The following CTNNA3 variants were observed in gnomAD, a reference collection of about 807,000 sequenced individuals.
CTNNA3 encodes the protein catenin alpha 3.
Under a neutral mutation model 95.7 loss-of-function variants are expected in CTNNA3, and 76 were observed. The ratio of observed to expected loss-of-function variants is 0.79; its 90% CI spans 0.66 to 0.96. The LOEUF is 0.96. Ranked by LOEUF, CTNNA3 falls within the 40% of genes least tolerant of loss-of-function variation. The pLI, the probability that CTNNA3 is intolerant of heterozygous loss-of-function variation, is 0.00. For missense variants in CTNNA3, 1,191 were observed against 1,089.8 expected, an observed-to-expected ratio of 1.09 and a Z score of -1.31; for synonymous variants, 431 against 374.4, an observed-to-expected ratio of 1.15 and a Z score of -1.74.
intron 3 of CTNNA3, among the ~76,000 whole-genome samples, chr10:67,588,391 G>A (rs933252857): frequency 2.6e-5 from 4 of 151,986 alleles, no homozygotes; most frequent in Non-Finnish European, 5.9e-5. Flanking sequence ...CTCTGGTATT[G>A]CTTGGGTGGG....
At chr10:66,116,731 C>G (rs1299859879) in intron 13 of CTNNA3, among the ~76,000 whole-genome samples, 1 of 152,062 alleles carries the variant, frequency 6.6e-6, no homozygotes, top group Non-Finnish European at 1.5e-5. Flanking sequence ...ATTCCACAGG[C>G]TGTGTAAGAG....
At chr10:66,399,788 AT>A (rs1328419087) in intron 11 of CTNNA3, among the ~76,000 whole-genome samples, 2 of 152,114 alleles carry the variant, frequency 1.3e-5, no homozygotes, top group African/African-American at 4.8e-5. Flanking sequence ...TATATGACAT[AT>A]GTTCAGCTCT....
At chr10:66,837,805 C>T (rs989085867) in intron 7 of CTNNA3, 8 of 151,966 alleles carry the variant, frequency 5.3e-5, no homozygotes, top group Admixed American at 1.3e-4. Context: ...ATATAGTAAC[C>T]GAATTCCAAG....
chr10:67,555,782 C>T (rs2133241082), intron 3 of CTNNA3, among the ~76,000 whole-genome samples: 1 of 152,252 alleles, frequency 6.6e-6, no homozygotes, highest in South Asian at 2.1e-4. Flanking sequence ...CCAGAACTTC[C>T]AACACTATGT....
chr10:67,729,474 A>AT (rs1450678074), intron 1 of CTNNA3, among the ~76,000 whole-genome samples: 1 of 152,282 alleles, frequency 6.6e-6, no homozygotes, highest in South Asian at 2.1e-4. Flanking sequence ...TGTTAATCTA[A>AT]TTTTTAAAAC....
At chr10:66,477,028 A>G (rs1839351392) in intron 11 of CTNNA3, among the ~76,000 whole-genome samples, 1 of 152,098 alleles carries the variant, frequency 6.6e-6, no homozygotes. Flanking sequence ...ATATAGTCTG[A>G]TATTTTATTA....
At chr10:67,727,776 T>A (rs1486804597) in intron 1 of CTNNA3, among the ~76,000 whole-genome samples, 1 of 127,330 alleles carries the variant, frequency 7.9e-6, no homozygotes. Context: ...ATATAATATA[T>A]AATATGTAAA....
intron 15 of CTNNA3, among the ~76,000 whole-genome samples, chr10:66,066,337 G>A (rs1473205148): frequency 2.0e-5 from 3 of 152,012 alleles, no homozygotes; most frequent in African/African-American, 4.8e-5. Flanking sequence ...ACCCATGAAA[G>A]TTTAGTTTTG....
intron 11 of CTNNA3, among the ~76,000 whole-genome samples, chr10:66,425,106 TTA>T (rs2093228085): frequency 1.7e-5 from 1 of 59,142 alleles, no homozygotes; most frequent in African/African-American, 9.6e-5. Context: ...AAATATATTG[TTA>T]TTTAAAAAAA....
intron 5 of CTNNA3, among the ~76,000 whole-genome samples, chr10:67,470,049 A>T (rs1847757951): frequency 6.6e-6 from 1 of 152,112 alleles, no homozygotes; most frequent in Non-Finnish European, 1.5e-5. Context: ...ATTCTTTCTA[A>T]CTAACTTTTT....
At chr10:66,407,972 G>T (rs2093071364) in intron 11 of CTNNA3, among the ~76,000 whole-genome samples, 1 of 152,164 alleles carries the variant, frequency 6.6e-6, no homozygotes, top group African/African-American at 2.4e-5. Context: ...TGCAGAGTTT[G>T]TTCTACAACC....
chr10:66,388,520 T>C (rs1412269939), intron 11 of CTNNA3, among the ~76,000 whole-genome samples: 1 of 152,138 alleles, frequency 6.6e-6, no homozygotes, highest in Admixed American at 6.6e-5. Context: ...TTTCTGGTTC[T>C]TTTTTTGTTT....
At chr10:67,304,229 C>A (rs1356856978) in intron 5 of CTNNA3, among the ~76,000 whole-genome samples, 1 of 152,150 alleles carries the variant, frequency 6.6e-6, no homozygotes, top group African/African-American at 2.4e-5. Context: ...TGCTTGTATC[C>A]ATCTATTCAG....
intron 11 of CTNNA3, among the ~76,000 whole-genome samples, chr10:66,505,296 C>A (rs1441604339): frequency 1.3e-5 from 2 of 152,132 alleles, no homozygotes; most frequent in African/African-American, 4.8e-5. Flanking sequence ...ACATAATTAC[C>A]AATAAAGCAA....
At chr10:66,782,800 A>G (rs1402440480) in intron 7 of CTNNA3, among the ~76,000 whole-genome samples, 3 of 152,146 alleles carry the variant, frequency 2.0e-5, no homozygotes, top group African/African-American at 7.2e-5. Context: ...TAGTTATTAA[A>G]TATTTTATTA....
At chr10:66,057,260 T>C (rs1351139812) in intron 15 of CTNNA3, among the ~76,000 whole-genome samples, 1 of 152,172 alleles carries the variant, frequency 6.6e-6, no homozygotes, top group Admixed American at 6.5e-5. Flanking sequence ...CACATTTTTG[T>C]ATTAATATAA....
At chr10:66,054,091 G>T (rs1048428927) in intron 15 of CTNNA3, among the ~76,000 whole-genome samples, 2 of 152,032 alleles carry the variant, frequency 1.3e-5, no homozygotes, top group South Asian at 4.1e-4. Flanking sequence ...ATATTCCATT[G>T]TGTATATGTA....
At chr10:67,100,704 C>A (rs1308693720) in intron 7 of CTNNA3, among the ~76,000 whole-genome samples, 2 of 151,620 alleles carry the variant, frequency 1.3e-5, no homozygotes, top group East Asian at 3.9e-4. Context: ...TGCAGCAAAC[C>A]ATAAAGTTAT....
intron 11 of CTNNA3, among the ~76,000 whole-genome samples, chr10:66,385,037 G>A (rs931435444): frequency 2.6e-5 from 4 of 152,170 alleles, no homozygotes; most frequent in Non-Finnish European, 2.9e-5. Flanking sequence ...AAGAACTAGA[G>A]AAGCAAGAGC....
Sources: allele counts gnomAD v4.1 joint callset (sites outside exome capture counted in the v4.1 genomes callset), GRCh38; gene constraint gnomAD v4.1.1; transcripts MANE v1.5; gene names NCBI Gene and HGNC (gene_info 2026-07-23, HGNC 2026-07-21).